The following CCDC171 variants were observed in gnomAD, a reference collection of about 807,000 sequenced individuals.
CCDC171 encodes the protein coiled-coil domain containing 171.
A neutral mutation model predicts 168.2 loss-of-function variants in CCDC171; 177 were observed. That is an observed-to-expected ratio of 1.05 (90% confidence interval 0.93 to 1.19). CCDC171 has a LOEUF of 1.19. Ranked by LOEUF, CCDC171 falls within the 50% of genes most tolerant of loss-of-function variation. The probability of loss-of-function intolerance (pLI) is 0.00; values close to 1 mark genes in which losing one functional copy is unlikely to be tolerated. For synonymous variants in CCDC171, 687 were observed against 540.8 expected (o/e 1.27, Z -3.75); for missense variants, 1,991 against 1,539.0 (o/e 1.29, Z -4.91).
At chr9:15,947,332 T>C (rs1024339145) in intron 25 of CCDC171, among the ~76,000 whole-genome samples, 12 of 152,126 alleles carry the variant, frequency 7.9e-5, no homozygotes, top group Non-Finnish European at 1.0e-4. Context: ...CCTACTTGTA[T>C]ACCCATTAAA....
chr9:15,897,707 A>C (rs910039874), intron 24 of CCDC171, among the ~76,000 whole-genome samples: 3 of 152,190 alleles, frequency 2.0e-5, no homozygotes, highest in Non-Finnish European at 4.4e-5. Flanking sequence ...ATGGATCAAT[A>C]AAAGAGAGAA....
intron 7 of CCDC171, among the ~76,000 whole-genome samples, chr9:15,652,229 G>C (rs897331518): frequency 6.6e-6 from 1 of 151,984 alleles, no homozygotes; most frequent in Non-Finnish European, 1.5e-5. Context: ...ATGAGGTATG[G>C]GATCCAAATT....
At chr9:15,770,455 G>C (rs2056956230) in intron 18 of CCDC171, among the ~76,000 whole-genome samples, 1 of 151,986 alleles carries the variant, frequency 6.6e-6, no homozygotes, top group African/African-American at 2.4e-5. Flanking sequence ...TTCTTAGAAG[G>C]GGAGCCATAG....
At chr9:15,710,575 A>G (rs1453897104) in intron 11 of CCDC171, among the ~76,000 whole-genome samples, 1 of 151,690 alleles carries the variant, frequency 6.6e-6, no homozygotes, top group Non-Finnish European at 1.5e-5. Context: ...TGCTGGGATT[A>G]CAGGTGTGAG....
intron 23 of CCDC171, among the ~76,000 whole-genome samples, chr9:15,858,869 C>CTA (rs2130931923): frequency 6.6e-6 from 1 of 152,032 alleles, no homozygotes; most frequent in South Asian, 2.1e-4. Context: ...GTTTGGATGC[C>CTA]TATTACTTAT....
At chr9:15,799,150 ATATAT>A in intron 21 of CCDC171, among the ~76,000 whole-genome samples, 1 of 144,406 alleles carries the variant, frequency 6.9e-6, no homozygotes, top group African/African-American at 2.5e-5. Context: ...ATATATATAT[ATATAT>A]ATATATATAT....
At chr9:15,669,890 A>G (rs2048984858) in intron 9 of CCDC171, among the ~76,000 whole-genome samples, 2 of 151,696 alleles carry the variant, frequency 1.3e-5, no homozygotes, top group Non-Finnish European at 1.5e-5. Context: ...TATGTAAAAC[A>G]TAGTCCAAAG....
chr9:16,073,765 T>C, the CCDC171 span, among the ~76,000 whole-genome samples: 1 of 152,196 alleles, frequency 6.6e-6, no homozygotes, highest in Admixed American at 6.5e-5. Context: ...TGCTGTTCTC[T>C]TCACCTCCAT....
At chr9:15,581,034 A>C (rs1471864381) in intron 4 of CCDC171, among the ~76,000 whole-genome samples, 1 of 152,214 alleles carries the variant, frequency 6.6e-6, no homozygotes, top group Non-Finnish European at 1.5e-5. Context: ...AGAAAACCCC[A>C]TCATCTCAGC....
chr9:15,859,748 C>A (rs544099383), intron 23 of CCDC171, among the ~76,000 whole-genome samples: 2 of 151,698 alleles, frequency 1.3e-5, no homozygotes, highest in Admixed American at 1.3e-4. Flanking sequence ...CAGCCTCAAA[C>A]CCCTGGGCTC....
intron 23 of CCDC171, among the ~76,000 whole-genome samples, chr9:15,865,522 C>T (rs1235803629): frequency 2.0e-5 from 3 of 151,954 alleles, no homozygotes; most frequent in African/African-American, 7.2e-5. Context: ...TCTTCCTTCT[C>T]CTCCTCAGCC....
At chr9:16,091,519 G>A in the CCDC171 span, among the ~76,000 whole-genome samples, 1 of 152,146 alleles carries the variant, frequency 6.6e-6, no homozygotes, top group Non-Finnish European at 1.5e-5. Context: ...TGGGACAACT[G>A]GTCAACCTGC....
At chr9:16,105,784 C>T in the CCDC171 span, among the ~76,000 whole-genome samples, 1 of 152,178 alleles carries the variant, frequency 6.6e-6, no homozygotes, top group Admixed American at 6.5e-5. Context: ...GGTTTTTGGC[C>T]AGAGTCCTGT....
chr9:16,064,441 G>A (rs538247549), downstream of CCDC171, among the ~76,000 whole-genome samples: 15 of 152,240 alleles, frequency 9.9e-5, no homozygotes, highest in African/African-American at 2.9e-4. Flanking sequence ...GGAGGAAGAC[G>A]CGAGAGGAGA....
At chr9:16,056,811 A>G (rs1833849672) in intron 1 of CCDC171, among the ~76,000 whole-genome samples, 1 of 152,208 alleles carries the variant, frequency 6.6e-6, no homozygotes, top group Admixed American at 6.5e-5. Flanking sequence ...TTTAAAGTAT[A>G]AAAAATAATA....
intron 8 of CCDC171, among the ~76,000 whole-genome samples, chr9:15,662,437 C>A (rs1262301097): frequency 6.6e-6 from 1 of 152,102 alleles, no homozygotes; most frequent in Admixed American, 6.6e-5. Context: ...TTTCTTAACT[C>A]AGGTTGTGTG....
downstream of CCDC171, among the ~76,000 whole-genome samples, chr9:15,975,458 A>G (rs1206394467): frequency 1.3e-5 from 2 of 152,180 alleles, no homozygotes; most frequent in Non-Finnish European, 2.9e-5. Context: ...TTTCTTATGA[A>G]TTGATTAGAC....
chr9:15,555,497 G>C (rs2038714223), intron 1 of CCDC171, among the ~76,000 whole-genome samples: 3 of 152,088 alleles, frequency 2.0e-5, no homozygotes, highest in South Asian at 4.1e-4. Flanking sequence ...CTCCAGCAAA[G>C]AGCAGAAATG....
intron 6 of CCDC171, among the ~76,000 whole-genome samples, chr9:16,035,012 T>G (rs1833436427): frequency 6.6e-6 from 1 of 152,184 alleles, no homozygotes; most frequent in African/African-American, 2.4e-5. Flanking sequence ...TTCAACCAGA[T>G]GGCTACCCCA....
Sources: gnomAD v4.1 joint callset for allele counts (sites outside exome capture counted in the v4.1 genomes callset) on GRCh38, gnomAD v4.1.1 for gene constraint, MANE v1.5 for transcripts, NCBI Gene and HGNC (gene_info 2026-07-23, HGNC 2026-07-21) for gene names.